The following CAPN8 variants were observed in gnomAD, a reference collection of about 807,000 sequenced individuals.
The protein encoded by CAPN8 is calpain-8.
CAPN8 carries 87 observed loss-of-function variants against 80.9 expected under a neutral mutation model. The observed-to-expected ratio is 1.07, with a 90% confidence interval of 0.90 to 1.28. CAPN8 has a LOEUF of 1.28. Among genes scored for constraint, CAPN8 ranks in the 50% most tolerant of loss-of-function variants. CAPN8 has a pLI of 0.00. For missense variants in CAPN8, 757 were observed against 702.0 expected (o/e 1.08, Z -0.89); for synonymous variants, 299 against 273.8 (o/e 1.09, Z -0.91).
At chr1:223,629,815 T>G (rs1276045740) in intron 2 of CAPN8, among the ~76,000 whole-genome samples, 2 of 151,974 alleles carry the variant, frequency 1.3e-5, no homozygotes, top group African/African-American at 4.8e-5. Context: ...TCTAGGAGTC[T>G]AAGATTTGGT....
intron 1 of CAPN8, among the ~76,000 whole-genome samples, chr1:223,664,744 C>T (rs1658739636): frequency 6.6e-6 from 1 of 152,130 alleles, no homozygotes; most frequent in Admixed American, 6.5e-5. Flanking sequence ...CCAAGACCAC[C>T]CTGGGCAACA....
At chr1:223,654,472 C>G in intron 1 of CAPN8, 73 bp from the exon 2 acceptor site, 1 of 1,348,576 alleles carries the variant, frequency 7.4e-7, no homozygotes. Flanking sequence ...AAAGGAACAT[C>G]AGAGTCCCAG....
At chr1:223,654,227 C>G in intron 2 of CAPN8, 103 bp downstream of exon 2, 1 of 983,252 alleles carries the variant, frequency 1.0e-6, no homozygotes, top group Non-Finnish European at 1.5e-6. Flanking sequence ...CATCAGGTAC[C>G]TAATTCACTC....
chr1:223,627,762 G>A (rs1252610701), intron 4 of CAPN8, among the ~76,000 whole-genome samples: 2 of 152,158 alleles, frequency 1.3e-5, no homozygotes, highest in African/African-American at 2.4e-5. Flanking sequence ...GGCCCAGAGG[G>A]GCAGGGAGGC....
intron 13 of CAPN8, among the ~76,000 whole-genome samples, chr1:223,557,637 C>A (rs1656934632): frequency 6.6e-6 from 1 of 152,238 alleles, no homozygotes; most frequent in African/African-American, 2.4e-5. Flanking sequence ...CGGCTCAGAA[C>A]TCACCTCCTC....
At chr1:223,557,859 G>A (rs974977739) in intron 13 of CAPN8, among the ~76,000 whole-genome samples, 3 of 152,232 alleles carry the variant, frequency 2.0e-5, no homozygotes, top group Non-Finnish European at 2.9e-5. Flanking sequence ...CTTAGGCACA[G>A]TGGGTGCTCT....
chr1:223,615,626 C>A, intron 10 of CAPN8: 1 of 442,892 alleles, frequency 2.3e-6, no homozygotes, highest in Non-Finnish European at 4.5e-6. Flanking sequence ...CTTGTGCCAC[C>A]TCAAGTGCCT....
chr1:223,616,143 T>C lies in CAPN8; in HGVS notation c.1138A>G (p.Thr380Ala), dbSNP rs1359219977. The C allele has an allele frequency of 6.5e-7, 1 of 1,544,912 alleles. No individual in the cohort carries two copies. Among genetic ancestry groups the C allele is most frequent in the South Asian group, 1.2e-5 (1 of 83,698 alleles). ...TTGAACTGGGGATTGGTCCAGTACG[T>C]GGCTGGAAGTCACCCAGGTGATGGT... ...TAGGCQNYPATYWTNPQFKIR... is the reference protein window; with the variant it reads ...TAGGCQNYPAAYWTNPQFKIR... The change falls in exon 10 of 21, where the codon ACG becomes GCG. Residue 380 changes from threonine (T) to alanine (A), a missense_variant and splice_region_variant. By Grantham distance (58) the Thr-to-Ala change is moderately conservative. Coordinates refer to ENST00000366872, the MANE Select transcript of CAPN8 (RefSeq NM_001143962.2).
At chr1:223,619,145 G>T in intron 9 of CAPN8, 148 bp downstream of exon 9, 1 of 902,632 alleles carries the variant, frequency 1.1e-6, no homozygotes. Context: ...GATGAGCAGA[G>T]ATCGTGCCAC....
At chr1:223,639,593 G>A (rs1406564950) in intron 2 of CAPN8, among the ~76,000 whole-genome samples, 1 of 152,240 alleles carries the variant, frequency 6.6e-6, no homozygotes, top group African/African-American at 2.4e-5. Flanking sequence ...TCAATCAAAT[G>A]TGTTGTATTT....
At chr1:223,609,671 A>G (rs1316764425) in intron 11 of CAPN8, among the ~76,000 whole-genome samples, 1 of 152,004 alleles carries the variant, frequency 6.6e-6, no homozygotes, top group Non-Finnish European at 1.5e-5. Flanking sequence ...CTCTCTGGAT[A>G]TTTTTCCTCT....
At chr1:223,633,533 G>A (rs1228052426) in intron 2 of CAPN8, among the ~76,000 whole-genome samples, 2 of 152,104 alleles carry the variant, frequency 1.3e-5, no homozygotes. Context: ...GTGGTGGCAG[G>A]CACCTGTAGT....
In CAPN8 at chr1:223,641,462, C is replaced by G. The variant is rs1658037515; in HGVS notation, c.308-12682G>C. ...AGTTATCTGCAAATAATGAGGGTTT[C>G]CTATCTTGCAATTGTCTCTTCCTGG... On this transcript the variant is annotated intron_variant, in intron 2 of 20. Transcript: ENST00000366872. Among the ~76,000 whole-genome samples the G allele has an allele frequency of 2.0e-5, 3 of 151,964 alleles. No homozygotes were observed. In the South Asian group the frequency reaches 6.2e-4, roughly 32 times the overall value.
chr1:223,548,925 G>T (rs1234494884), intron 16 of CAPN8, among the ~76,000 whole-genome samples: 2 of 150,394 alleles, frequency 1.3e-5, no homozygotes, highest in Non-Finnish European at 3.0e-5. Context: ...AGCTTGGGAA[G>T]CAGGGAACGG....
intron 20 of CAPN8, among the ~76,000 whole-genome samples, 172 bp downstream of exon 20, chr1:223,542,936 G>A (rs1656508282): frequency 6.6e-6 from 1 of 152,114 alleles, no homozygotes; most frequent in Non-Finnish European, 1.5e-5. Context: ...AAAATGTTTG[G>A]AAAACTGTAT....
chr1:223,648,919 T>A (rs998876571), intron 2 of CAPN8, among the ~76,000 whole-genome samples: 1 of 152,090 alleles, frequency 6.6e-6, no homozygotes, highest in Non-Finnish European at 1.5e-5. Context: ...ACCCCAGCAC[T>A]TATCAAACCC....
chr1:223,622,761 G>A (rs529084660), intron 7 of CAPN8, 54 bp downstream of exon 7: 303 of 1,369,784 alleles, frequency 2.2e-4, no homozygotes, highest in Non-Finnish European at 2.9e-4. Flanking sequence ...TGTTTTACAC[G>A]ACACCCTTCC....
intron 6 of CAPN8, among the ~76,000 whole-genome samples, chr1:223,625,333 G>A (rs749830790): frequency 1.3e-5 from 2 of 152,210 alleles, no homozygotes; most frequent in Admixed American, 6.5e-5. Flanking sequence ...TTTCCTGGCT[G>A]CATCTAAGGA....
intron 15 of CAPN8, 178 bp from the exon 16 acceptor site, chr1:223,549,560 G>T: frequency 1.1e-6 from 1 of 929,830 alleles, no homozygotes; most frequent in Non-Finnish European, 1.7e-6. Context: ...GAGCCTCCTG[G>T]TGCCGTGGGA....
Sources: gnomAD v4.1 joint callset for allele counts (sites outside exome capture counted in the v4.1 genomes callset) on GRCh38, gnomAD v4.1.1 for gene constraint, MANE v1.5 for transcripts, NCBI Gene and HGNC (gene_info 2026-07-23, HGNC 2026-07-21) for gene names.